POLD3: variants seen among roughly 807,000 people sequenced by gnomAD.
POLD3 encodes DNA polymerase delta 3, accessory subunit.
POLD3 carries 19 observed loss-of-function variants against 58.2 expected under a neutral mutation model. That is an observed-to-expected ratio of 0.33 (90% CI 0.23 to 0.48). The LOEUF (loss-of-function observed/expected upper bound fraction) is 0.48, where lower values mean the gene tolerates loss of function less well. Among genes scored for constraint, POLD3 ranks in the 20% least tolerant of loss-of-function variants. The probability of loss-of-function intolerance (pLI) is 0.99; values close to 1 mark genes in which losing one functional copy is unlikely to be tolerated. For missense variants in POLD3, 504 were observed against 545.5 expected (o/e 0.92, Z 0.76); for synonymous variants, 172 against 193.5 (o/e 0.89, Z 0.92).
chr11:74,599,368 A>ATTT lies in POLD3; in HGVS notation c.116+5267_116+5269dup, dbSNP rs60458731. On this transcript the variant is annotated intron_variant, in intron 2 of 11. Coordinates refer to ENST00000263681, the MANE Select transcript of POLD3 (RefSeq NM_006591.3). The stretch of plus-strand genomic sequence containing the variant: ...TTTTCACAAACATTTCTCTCAAGTA[A>ATTT]TTTTTTTTTTTTTTTTTGACGGAGT... Among the ~76,000 whole-genome samples, 1,057 of 139,488 alleles carry ATTT rather than the reference A, an allele frequency of 7.6e-3. 25 individuals carry two copies. The highest frequency in any genetic ancestry group is 0.025 in the African/African-American group (916 of 36,974). 91.5% of individuals were successfully genotyped at this position (139,488 alleles called of 152,430 possible).
intron 8 of POLD3, among the ~76,000 whole-genome samples, chr11:74,627,960 AT>A (rs1224924993): frequency 6.6e-6 from 1 of 152,128 alleles, no homozygotes; most frequent in Non-Finnish European, 1.5e-5. Flanking sequence ...TATTTTTCAA[AT>A]GTTTAATAAA....
Position 74,642,925 on chromosome 11 carries a change from C to T in POLD3, c.*2159C>T, listed in dbSNP as rs2032951696. The T allele has an allele frequency of 1.0e-6, 1 of 985,204 alleles. No homozygotes were observed. Among genetic ancestry groups the T allele is most frequent in the East Asian group, 1.1e-4 (1 of 8,816 alleles). 61.0% of individuals were successfully genotyped at this position (985,204 alleles called of 1,614,324 possible). A position where few individuals can be genotyped will look rare whatever the true frequency, so the allele number is the denominator to read the frequency against. On this transcript the variant is annotated 3_prime_UTR_variant, in exon 12 of 12. Coordinates refer to ENST00000263681, the MANE Select transcript of POLD3 (RefSeq NM_006591.3). Reference sequence around the variant, plus strand: ...TGGGGAAATGTTAGTTTCAGCCAACCTCATTTTTTAGTTCATCTAGAAGAA... The same window carrying T: ...TGGGGAAATGTTAGTTTCAGCCAACTTCATTTTTTAGTTCATCTAGAAGAA...
intron 5 of POLD3, among the ~76,000 whole-genome samples, 177 bp downstream of exon 5, chr11:74,613,187 C>T (rs1182280628): frequency 6.6e-6 from 1 of 151,986 alleles, no homozygotes. Context: ...AGCCACAACC[C>T]ATATTGAAAA....
intron 2 of POLD3, among the ~76,000 whole-genome samples, chr11:74,596,456 G>A (rs545525831): frequency 6.6e-6 from 1 of 152,262 alleles, no homozygotes; most frequent in Non-Finnish European, 1.5e-5. Context: ...AAAGTGCTGG[G>A]ATTACAGATG....
chr11:74,649,143 C>A (rs543247504), intron 4 of POLD3, among the ~76,000 whole-genome samples: 3 of 152,320 alleles, frequency 2.0e-5, no homozygotes, highest in African/African-American at 7.2e-5. Context: ...TGATTCAGAC[C>A]TGGAACTGAC....
chr11:74,636,235 A>G lies in POLD3; in HGVS notation c.1158A>G (p.Val386=). 1.2e-6 allele frequency: 2 copies of G among 1,611,582 alleles called. No homozygotes were observed. The highest frequency in any genetic ancestry group is 1.7e-6 in the Non-Finnish European group (2 of 1,177,686). Residue 386 remains valine, a synonymous_variant, in exon 11 of 12, where the codon GTA becomes GTG. Coordinates refer to ENST00000263681, the MANE Select transcript of POLD3 (RefSeq NM_006591.3). The part of the protein sequence containing the change: ...SGENKRKRKR[V]LKSKTYLDGE... ...AAAACAAAAGAAAACGAAAACGCGT[A>G]CTAAAATCTAAAACTTACCTGGATG...
chr11:74,625,871 T>TTTG (rs142784051), intron 8 of POLD3, among the ~76,000 whole-genome samples: 21 of 143,680 alleles, frequency 1.5e-4, no homozygotes, highest in Non-Finnish European at 2.3e-4. Context: ...GTGTGCCTAG[T>TTTG]TGTGTGTGTG....
chr11:74,609,864 T>C (rs2031848163), intron 3 of POLD3, among the ~76,000 whole-genome samples: 1 of 152,180 alleles, frequency 6.6e-6, no homozygotes, highest in South Asian at 2.1e-4. Flanking sequence ...TAGTGCCACA[T>C]TGATAGATAT....
In POLD3 at chr11:74,620,167, C is replaced by T. The variant is rs2032209407; in HGVS notation, c.733+78C>T. 3 of 1,125,388 alleles carry T rather than the reference C, an allele frequency of 2.7e-6. No individual in the cohort carries two copies. In the Admixed American group the frequency reaches 5.1e-5, roughly 19 times the overall value. The allele number at this position is 1,125,388 out of a possible 1,614,324, so 69.7% of individuals were successfully genotyped here. A position where few individuals can be genotyped will look rare whatever the true frequency, so the allele number is the denominator to read the frequency against. ...CATATTATACCTGAAGTGAAAGCCA[C>T]TTTGTCTAGTTTTTGCCAATCCAAG... On this transcript the variant is annotated intron_variant, in intron 7 of 11. Transcript: ENST00000263681.
At chr11:74,600,497 A>T (rs2031450842) in intron 2 of POLD3, among the ~76,000 whole-genome samples, 1 of 151,690 alleles carries the variant, frequency 6.6e-6, no homozygotes, top group South Asian at 2.1e-4. Flanking sequence ...ACAAAAAATT[A>T]GCCAGCGTGT....
rs959553705 is a variant in POLD3, at chr11:74,667,411, G to A, written c.370-1366G>A. On this transcript the variant is annotated intron_variant, in intron 4 of 4. Transcript: ENST00000524752. Reference sequence around the variant, plus strand: ...AAATTAGCCAGGCATGGTGGCAGGCGCCTGTAGTCCCAGCTGGAGGCTGAG... The same window carrying A: ...AAATTAGCCAGGCATGGTGGCAGGCACCTGTAGTCCCAGCTGGAGGCTGAG... 3.3e-5 allele frequency among the ~76,000 whole-genome samples: 5 copies of A among 152,140 alleles called. No individual in the cohort carries two copies. The East Asian group carries it at 5.8e-4, about 18-fold the overall frequency.
At chr11:74,608,748 T>A (rs1222667829) in intron 3 of POLD3, among the ~76,000 whole-genome samples, 1 of 152,224 alleles carries the variant, frequency 6.6e-6, no homozygotes, top group Non-Finnish European at 1.5e-5. Flanking sequence ...GGGCTCTTAC[T>A]GCAAAGCTGC....
At chr11:74,610,892 A>AC (rs981327843) in intron 3 of POLD3, among the ~76,000 whole-genome samples, 3 of 151,208 alleles carry the variant, frequency 2.0e-5, no homozygotes, top group African/African-American at 7.3e-5. Context: ...GTCCTACCTC[A>AC]CCCCCCTGAG....
chr11:74,609,894 T>A (rs1400162288), intron 3 of POLD3, among the ~76,000 whole-genome samples: 2 of 152,194 alleles, frequency 1.3e-5, no homozygotes, highest in African/African-American at 4.8e-5. Flanking sequence ...TATTCAGCAA[T>A]CCCTTATTGG....
At chr11:74,635,212 A>AT (rs890456308) in intron 10 of POLD3, among the ~76,000 whole-genome samples, 2 of 151,582 alleles carry the variant, frequency 1.3e-5, no homozygotes, top group Non-Finnish European at 2.9e-5. Flanking sequence ...GTCGCTGACA[A>AT]TTTTTTTTTC....
chr11:74,603,646 T>TAG (rs2031575905), intron 2 of POLD3, among the ~76,000 whole-genome samples: 1 of 151,628 alleles, frequency 6.6e-6, no homozygotes, highest in African/African-American at 2.4e-5. Context: ...AGGGAGGAGG[T>TAG]AGAGAAGTCT....
intron 4 of POLD3, 49 bp downstream of exon 4, chr11:74,611,587 T>A (rs771726341): frequency 8.8e-6 from 9 of 1,022,648 alleles, no homozygotes; most frequent in Non-Finnish European, 1.2e-5. Flanking sequence ...GGCATCAGTG[T>A]AGGTGCAATA....
At position 74,655,641 on chromosome 11, in the gene POLD3, C is replaced by A. The variant is rs542954278; in HGVS notation, c.370-13136C>A. ...AAACCATGGGGATTTTTACAAAATT[C>A]AACACCTATATTTGACCAAAAAAAA... On this transcript the variant is annotated intron_variant, in intron 4 of 4. Coordinates refer to the POLD3 transcript ENST00000524752. 3.5e-5 allele frequency among the ~76,000 whole-genome samples: 5 copies of A among 144,052 alleles called. No homozygotes were observed. In the South Asian group the frequency reaches 8.9e-4, roughly 26 times the overall value. 94.5% of individuals were successfully genotyped at this position (144,052 alleles called of 152,430 possible). A position where few individuals can be genotyped will look rare whatever the true frequency, so the allele number is the denominator to read the frequency against.
chr11:74,621,536 G>T (rs1009117495), intron 7 of POLD3, among the ~76,000 whole-genome samples: 15 of 151,554 alleles, frequency 9.9e-5, no homozygotes, highest in Non-Finnish European at 1.6e-4. Flanking sequence ...GGCTGTTATG[G>T]TTTTTTTTAA....
Sources: gnomAD v4.1 joint callset for allele counts (sites outside exome capture counted in the v4.1 genomes callset) on GRCh38, gnomAD v4.1.1 for gene constraint, MANE v1.5 for transcripts, NCBI Gene and HGNC (gene_info 2026-07-23, HGNC 2026-07-21) for gene names.